The following OPRM1 variants were observed in gnomAD, a reference collection of about 807,000 sequenced individuals.
OPRM1 encodes the protein mu-type opioid receptor.
Under a neutral mutation model 31.8 loss-of-function variants are expected in OPRM1, and 27 were observed. That is an observed-to-expected ratio of 0.85 (90% CI 0.63 to 1.17). OPRM1 has a LOEUF of 1.17. Among genes scored for constraint, OPRM1 ranks in the 50% most tolerant of loss-of-function variants. The pLI is 0.00. For missense variants in OPRM1, 536 were observed against 511.1 expected, an observed-to-expected ratio of 1.05 and a Z score of -0.47; for synonymous variants, 196 against 189.9, an observed-to-expected ratio of 1.03 and a Z score of -0.26.
chr6:154,188,478 G>A (rs2128577755), intron 3 of OPRM1, among the ~76,000 whole-genome samples: 1 of 152,336 alleles, frequency 6.6e-6, no homozygotes, highest in South Asian at 2.1e-4. Context: ...AAGTCCCACA[G>A]ACTGTGTGTA....
chr6:154,041,526 T>C (rs1473059062), intron 1 of OPRM1, among the ~76,000 whole-genome samples: 1 of 152,200 alleles, frequency 6.6e-6, no homozygotes, highest in African/African-American at 2.4e-5. Flanking sequence ...CTCTAGAGAT[T>C]ATCTATGCTA....
chr6:154,093,653 GT>G, intron 3 of OPRM1: 2 of 960,394 alleles, frequency 2.1e-6, no homozygotes, highest in Non-Finnish European at 2.9e-6. Context: ...CAGTATCAGT[GT>G]AAGATAACAG....
intron 3 of OPRM1, chr6:154,109,163 A>T (rs991970962): frequency 1.6e-5 from 6 of 380,788 alleles, no homozygotes; most frequent in Non-Finnish European, 2.2e-5. Flanking sequence ...TGGCAGAGGG[A>T]ATTAAAATAA....
rs199668737 is a variant in OPRM1, at chr6:154,091,350, T to C, written c.1042T>C (p.Cys348Arg). Reference protein sequence around the residue: ...YAFLDENFKRCFREFCIPTSS... With the variant: ...YAFLDENFKRRFREFCIPTSS... ...ATTTCTGGATGAAAACTTCAAACGA[T>C]GCTTCAGAGAGTTCTGTATCCCAAC... Residue 348 changes from cysteine (C) to arginine (R), a missense_variant, in exon 3 of 4, where the codon TGC becomes CGC. Physicochemically the swap from Cys to Arg is radical, Grantham distance 180. Coordinates refer to ENST00000330432, the MANE Select transcript of OPRM1 (RefSeq NM_000914.5). 92 of 1,614,230 alleles carry C rather than the reference T, an allele frequency of 5.7e-5. 2 individuals are homozygous for C. The Middle Eastern group carries it at 7.4e-3, about 130-fold the overall frequency.
At chr6:154,190,916 C>G (rs1032887048) in intron 3 of OPRM1, among the ~76,000 whole-genome samples, 1 of 152,010 alleles carries the variant, frequency 6.6e-6, no homozygotes, top group African/African-American at 2.4e-5. Flanking sequence ...ATTAGCTGGG[C>G]GTGGTGGCAG....
At chr6:154,142,825 C>G (rs970122076) in intron 3 of OPRM1, among the ~76,000 whole-genome samples, 11 of 152,160 alleles carry the variant, frequency 7.2e-5, no homozygotes, top group African/African-American at 2.4e-4. Flanking sequence ...GCTCGGATAC[C>G]TTCCACTGCT....
At chr6:154,116,291 A>T (rs1291698783) in intron 3 of OPRM1, among the ~76,000 whole-genome samples, 2 of 152,148 alleles carry the variant, frequency 1.3e-5, no homozygotes, top group Admixed American at 1.3e-4. Flanking sequence ...TATTGACTTA[A>T]GAAAATCTTC....
intron 2 of OPRM1, 75 bp downstream of exon 2, chr6:154,090,253 A>G (rs1791771774): frequency 2.1e-6 from 2 of 936,720 alleles, no homozygotes; most frequent in Non-Finnish European, 3.3e-6. Context: ...GCAAAGCAGT[A>G]TTTATGGAGT....
chr6:154,236,611 T>C (rs1177680052), intron 3 of OPRM1, among the ~76,000 whole-genome samples: 1 of 152,236 alleles, frequency 6.6e-6, no homozygotes, highest in Non-Finnish European at 1.5e-5. Flanking sequence ...CAGTGAAGAA[T>C]GAAAATGCAT....
At position 154,233,368 on chromosome 6, in the gene OPRM1, T is replaced by C. The variant is rs557293452; in HGVS notation, c.1165-13325T>C. Among the ~76,000 whole-genome samples the C allele has an allele frequency of 4.6e-5, 7 of 152,352 alleles. No individual in the cohort carries two copies. In the South Asian group the frequency reaches 1.5e-3, roughly 32 times the overall value. ...ACATTTTAGTTTATTTGGAGAATAA[T>C]AATACTAGTAAACTTACCATATTCT... On this transcript the variant is annotated intron_variant, in intron 3 of 3. Transcript: ENST00000337049.
intron 3 of OPRM1, among the ~76,000 whole-genome samples, chr6:154,246,194 G>A (rs1363863508): frequency 1.3e-5 from 2 of 152,324 alleles, no homozygotes; most frequent in South Asian, 2.1e-4. Flanking sequence ...CACCCTTGTA[G>A]GTCGTGAAGC....
chr6:154,037,280 CT>C (rs1408865456), upstream of OPRM1, among the ~76,000 whole-genome samples: 4 of 150,916 alleles, frequency 2.7e-5, no homozygotes, highest in African/African-American at 9.8e-5. Flanking sequence ...GTGGAACTGG[CT>C]TGGATTGTGT....
intron 3 of OPRM1, among the ~76,000 whole-genome samples, chr6:154,164,858 A>C (rs1799302700): frequency 6.6e-6 from 1 of 152,148 alleles, no homozygotes; most frequent in Non-Finnish European, 1.5e-5. Context: ...GAAATTCCTA[A>C]ATATCTGTAT....
At chr6:154,225,133 C>G (rs917174330) in intron 3 of OPRM1, among the ~76,000 whole-genome samples, 1 of 152,070 alleles carries the variant, frequency 6.6e-6, no homozygotes, top group African/African-American at 2.4e-5. Context: ...CATATACAAA[C>G]AAGTCAAGTA....
intron 3 of OPRM1, among the ~76,000 whole-genome samples, chr6:154,161,178 C>T (rs1798984066): frequency 6.6e-6 from 1 of 151,920 alleles, no homozygotes; most frequent in African/African-American, 2.4e-5. Flanking sequence ...AGAACACTTT[C>T]CAGTCTTTCT....
intron 1 of OPRM1, among the ~76,000 whole-genome samples, chr6:154,076,285 A>G (rs1277238933): frequency 6.6e-6 from 1 of 152,210 alleles, no homozygotes; most frequent in Non-Finnish European, 1.5e-5. Context: ...TAATACTCCT[A>G]AGGGACAAAA....
intron 3 of OPRM1, among the ~76,000 whole-genome samples, chr6:154,232,509 C>G (rs1289923079): frequency 6.6e-6 from 1 of 152,182 alleles, no homozygotes; most frequent in Non-Finnish European, 1.5e-5. Context: ...CCATGGGAAC[C>G]ATCATGTGGT....
At chr6:154,225,931 T>A (rs1343065790) in intron 3 of OPRM1, among the ~76,000 whole-genome samples, 3 of 152,144 alleles carry the variant, frequency 2.0e-5, no homozygotes, top group Non-Finnish European at 4.4e-5. Context: ...CATCTACTGT[T>A]TTTAGTCCTC....
At chr6:154,101,306 A>G (rs536553805) in intron 3 of OPRM1, among the ~76,000 whole-genome samples, 60 of 152,134 alleles carry the variant, frequency 3.9e-4, no homozygotes, top group Non-Finnish European at 7.4e-4. Context: ...CTTATATTCA[A>G]AATTCCTGAA....
Sources: gnomAD v4.1 joint callset for allele counts (sites outside exome capture counted in the v4.1 genomes callset) on GRCh38, gnomAD v4.1.1 for gene constraint, MANE v1.5 for transcripts, NCBI Gene and HGNC (gene_info 2026-07-23, HGNC 2026-07-21) for gene names.